SPNS3: variants seen among roughly 807,000 people sequenced by gnomAD.
The protein encoded by SPNS3 is protein spinster homolog 3.
A neutral mutation model predicts 54.4 loss-of-function variants in SPNS3; 51 were observed. The ratio of observed to expected loss-of-function variants is 0.94; its 90% CI spans 0.75 to 1.18. The LOEUF (loss-of-function observed/expected upper bound fraction) is 1.18, where lower values mean the gene tolerates loss of function less well. Among genes scored for constraint, SPNS3 ranks in the 50% most tolerant of loss-of-function variants. The pLI, the probability that SPNS3 is intolerant of heterozygous loss-of-function variation, is 0.00. For synonymous variants in SPNS3, 309 were observed against 294.7 expected (o/e 1.05, Z -0.50); for missense variants, 669 against 677.4 (o/e 0.99, Z 0.14).
At chr17:4,457,526 A>G (rs1428716884) in intron 8 of SPNS3, among the ~76,000 whole-genome samples, 2 of 152,182 alleles carry the variant, frequency 1.3e-5, no homozygotes, top group Non-Finnish European at 2.9e-5. Context: ...TTATTGACTG[A>G]GGGAGGGGAC....
rs141548790 is a variant in SPNS3 at position 4,472,138 on chromosome 17, C to T, written c.1114-6434C>T. ...CCTCCCAAAGTGTTGGGATTACAGG[C>T]GTGAGCCACTGCGCCTGGCCAAGTT... On this transcript the variant is annotated intron_variant, in intron 8 of 11. Coordinates refer to ENST00000355530, the MANE Select transcript of SPNS3 (RefSeq NM_182538.5). Among the ~76,000 whole-genome samples, 977 of 152,312 alleles carry T rather than the reference C, an allele frequency of 6.4e-3. 10 individuals carry two copies. Among genetic ancestry groups the T allele is most frequent in the African/African-American group, 0.022 (929 of 41,556 alleles).
chr17:4,453,995 C>T (rs1427787707), intron 8 of SPNS3, among the ~76,000 whole-genome samples: 5 of 152,202 alleles, frequency 3.3e-5, no homozygotes, highest in African/African-American at 9.6e-5. Flanking sequence ...ACTTTGCACG[C>T]GTCCATTTCT....
In SPNS3 at chr17:4,486,609, G is replaced by C. The variant is rs373975017; in HGVS notation, c.1450+26G>C. On this transcript the variant is annotated intron_variant, in intron 11 of 11. Transcript: ENST00000355530. The surrounding 1 kb of genome is among the most constrained non-coding windows in gnomAD (Gnocchi z 5.5). ...GTACCCTACCCATTGCACCAGGCCC[G>C]GCTCAGGGCCGGCACCCTAGGGACA... 1 of 1,591,594 alleles carries C rather than the reference G, an allele frequency of 6.3e-7. No individual in the cohort carries two copies. The highest frequency in any genetic ancestry group is 1.1e-5 in the South Asian group (1 of 89,324).
intron 8 of SPNS3, among the ~76,000 whole-genome samples, chr17:4,461,247 G>T (rs1028030781): frequency 6.7e-6 from 1 of 149,020 alleles, no homozygotes; most frequent in Admixed American, 6.7e-5. Flanking sequence ...TTTTTTTCTT[G>T]GTCAGTTTAT....
intron 2 of SPNS3, among the ~76,000 whole-genome samples, chr17:4,444,764 C>T (rs543607967): frequency 6.6e-6 from 1 of 152,300 alleles, no homozygotes; most frequent in African/African-American, 2.4e-5. Flanking sequence ...GGATGGTGAC[C>T]TCTCCAGTGT....
chr17:4,485,557 C>T (rs1206010158), intron 9 of SPNS3, among the ~76,000 whole-genome samples: 3 of 152,096 alleles, frequency 2.0e-5, no homozygotes, highest in African/African-American at 4.8e-5. Flanking sequence ...GCCACCACGC[C>T]GGCTAGTTTT....
chr17:4,476,893 C>T (rs1972016855), intron 8 of SPNS3, among the ~76,000 whole-genome samples: 3 of 152,212 alleles, frequency 2.0e-5, no homozygotes, highest in Admixed American at 1.3e-4. Context: ...TCCTGTCCCG[C>T]CCGGCATGGT....
At chr17:4,477,173 G>C (rs1438233149) in intron 8 of SPNS3, among the ~76,000 whole-genome samples, 1 of 152,206 alleles carries the variant, frequency 6.6e-6, no homozygotes, top group East Asian at 1.9e-4. Context: ...CGTGGGGGGT[G>C]GGGGGCGCTC....
intron 8 of SPNS3, among the ~76,000 whole-genome samples, chr17:4,463,693 C>T (rs550091613): frequency 1.5e-3 from 192 of 132,162 alleles, no homozygotes; most frequent in African/African-American, 4.7e-3. Flanking sequence ...GAGCCGAAAT[C>T]GTGCCACTGC....
In SPNS3 at chr17:4,458,588, C is replaced by CCTTCCTTTCTTTCTTTCTTTCTTTCTTT. The variant is rs1413694695; in HGVS notation, c.1113+5386_1113+5387insCCTTTCTTTCTTTCTTTCTTTCTTTCTT. On this transcript the variant is annotated intron_variant, in intron 8 of 11. Coordinates refer to ENST00000355530, the MANE Select transcript of SPNS3 (RefSeq NM_182538.5). ...TCCCTCCTTTCTTTCTTCCTTCCCT[C>CCTTCCTTTCTTTCTTTCTTTCTTTCTTT]CTTTCTTTCTTTCTTTCTTTCTTTC... 1.3e-4 allele frequency among the ~76,000 whole-genome samples: 8 copies of CCTTCCTTTCTTTCTTTCTTTCTTTCTTT among 59,332 alleles called. 1 individual carries two copies. Among genetic ancestry groups the CCTTCCTTTCTTTCTTTCTTTCTTTCTTT allele is most frequent in the Admixed American group, 5.4e-4 (3 of 5,568 alleles). 38.9% of individuals were successfully genotyped at this position (59,332 alleles called of 152,430 possible). A position where few individuals can be genotyped will look rare whatever the true frequency, so the allele number is the denominator to read the frequency against.
Position 4,486,929 on chromosome 17 carries a change from T to C in SPNS3, c.1450+346T>C, listed in dbSNP as rs1972334286. 6.6e-6 allele frequency among the ~76,000 whole-genome samples: 1 copy of C among 151,828 alleles called. No individual in the cohort carries two copies. The highest frequency in any genetic ancestry group is 2.1e-4 in the South Asian group (1 of 4,804). On this transcript the variant is annotated intron_variant, in intron 11 of 11. Transcript: ENST00000355530. The surrounding 1 kb of genome is among the most constrained non-coding windows in gnomAD (Gnocchi z 5.5). The stretch of plus-strand genomic sequence containing the variant: ...TGGCTCACACCTGTAATCCCAGTAC[T>C]TGGGGAGGCCAAGGCGGGCGGATTA...
intron 8 of SPNS3, among the ~76,000 whole-genome samples, chr17:4,477,908 G>A (rs1972047548): frequency 6.6e-6 from 1 of 151,816 alleles, no homozygotes; most frequent in Non-Finnish European, 1.5e-5. Context: ...GAGGAGGGGT[G>A]GACAGCCTCC....
intron 1 of SPNS3, among the ~76,000 whole-genome samples, chr17:4,437,786 T>G (rs527502850): frequency 2.7e-4 from 29 of 106,964 alleles, no homozygotes; most frequent in African/African-American, 9.2e-4. Context: ...AAACAAAGAT[T>G]TCTTTTTTTT....
At chr17:4,487,394 G>A (rs1972351389) in intron 11 of SPNS3, among the ~76,000 whole-genome samples, 1 of 152,202 alleles carries the variant, frequency 6.6e-6, no homozygotes, top group Admixed American at 6.5e-5. Flanking sequence ...GGCTGCAGCA[G>A]AAGCAAGAGG....
At chr17:4,455,234 GACCAGA>G (rs1971275546) in intron 8 of SPNS3, among the ~76,000 whole-genome samples, 2 of 152,142 alleles carry the variant, frequency 1.3e-5, no homozygotes, top group Non-Finnish European at 2.9e-5. Context: ...CTTCTATCCG[GACCAGA>G]AAACTGCCTT....
intron 8 of SPNS3, among the ~76,000 whole-genome samples, chr17:4,478,040 C>T (rs972652594): frequency 3.0e-5 from 4 of 131,630 alleles, no homozygotes; most frequent in Non-Finnish European, 4.6e-5. Context: ...GGTGTGATCT[C>T]GGCTCCCTGC....
chr17:4,450,772 T>TC (rs1292219843), intron 7 of SPNS3, among the ~76,000 whole-genome samples: 1 of 150,084 alleles, frequency 6.7e-6, no homozygotes, highest in Non-Finnish European at 1.5e-5. Context: ...ATTTTTTTTT[T>TC]TTTTTTTGTA....
At chr17:4,485,461 G>C (rs578245205) in intron 9 of SPNS3, among the ~76,000 whole-genome samples, 1 of 150,970 alleles carries the variant, frequency 6.6e-6, no homozygotes. Flanking sequence ...GCAGTGGTAC[G>C]ATCTCAGCTC....
Position 4,486,315 on chromosome 17 carries a change from C to T in SPNS3, c.1267C>T (p.Leu423Phe), listed in dbSNP as rs763153698. 9 of 1,598,590 alleles carry T rather than the reference C, an allele frequency of 5.6e-6. No homozygotes were observed. The highest frequency in any genetic ancestry group is 7.7e-6 in the Non-Finnish European group (9 of 1,174,654). ...CCTGGGAGACGCTGGCAGCCCCTATCTCACAGGACTTGTAAGACGTGTCTG... is the reference window on the plus strand; with the variant it reads ...CCTGGGAGACGCTGGCAGCCCCTATTTCACAGGACTTGTAAGACGTGTCTG... ...HILGDAGSPYLTGLISSVLRA... is the reference protein window; with the variant it reads ...HILGDAGSPYFTGLISSVLRA... Residue 423 changes from leucine (L) to phenylalanine (F), a missense_variant, in exon 10 of 12, where the codon CTC becomes TTC. Physicochemically the swap from Leu to Phe is conservative, Grantham distance 22. Coordinates refer to ENST00000355530, the MANE Select transcript of SPNS3 (RefSeq NM_182538.5). This position sits in a 1 kb window ranked among gnomAD's most constrained non-coding sequence, Gnocchi z 5.5.
Sources: allele counts gnomAD v4.1 joint callset (sites outside exome capture counted in the v4.1 genomes callset), GRCh38; gene constraint gnomAD v4.1.1; non-coding constraint Gnocchi (gnomAD v3.1); transcripts MANE v1.5; gene names NCBI Gene and HGNC (gene_info 2026-07-23, HGNC 2026-07-21).